The following ZNG1C variants were observed in gnomAD, a reference collection of about 807,000 sequenced individuals.
The protein encoded by ZNG1C is Zn regulated GTPase metalloprotein activator 1C.
chr9:68,276,873 TG>T, the ZNG1C span, among the ~76,000 whole-genome samples: 1 of 97,446 alleles, frequency 1.0e-5, no homozygotes, highest in Non-Finnish European at 2.1e-5. Flanking sequence ...GGGATGGCAT[TG>T]AATCTGTAAA....
chr9:68,257,692 C>T, the ZNG1C span, among the ~76,000 whole-genome samples: 2 of 113,968 alleles, frequency 1.8e-5, no homozygotes, highest in African/African-American at 7.0e-5. Flanking sequence ...TTAAACACTC[C>T]TCCCTTACTT....
chr9:68,256,683 T>C, the ZNG1C span, among the ~76,000 whole-genome samples: 1 of 133,542 alleles, frequency 7.5e-6, no homozygotes. Context: ...GTGGTTAGAA[T>C]TGGTCTTTTT....
the ZNG1C span, among the ~76,000 whole-genome samples, chr9:68,288,399 G>T: frequency 2.3e-4 from 35 of 152,320 alleles, no homozygotes; most frequent in South Asian, 7.3e-3. Flanking sequence ...TTATTTATTT[G>T]CATAAAGCAT....
chr9:68,278,327 G>GT, the ZNG1C span, among the ~76,000 whole-genome samples: 3 of 146,112 alleles, frequency 2.1e-5, no homozygotes, highest in African/African-American at 7.7e-5. Context: ...TCTGATTTTA[G>GT]TTATTTCTTG....
chr9:68,281,468 T>C, the ZNG1C span, among the ~76,000 whole-genome samples: 1 of 112,988 alleles, frequency 8.9e-6, no homozygotes, highest in African/African-American at 3.4e-5. Context: ...TCGGTATCTT[T>C]TTCTTTTTTT....
At chr9:68,269,212 A>G in the ZNG1C span, 1 of 397,478 alleles carries the variant, frequency 2.5e-6, no homozygotes. Flanking sequence ...AACACTGTGT[A>G]AGTGTTTGCT....
At chr9:68,276,340 T>TA in the ZNG1C span, among the ~76,000 whole-genome samples, 1 of 132,166 alleles carries the variant, frequency 7.6e-6, no homozygotes, top group Non-Finnish European at 1.6e-5. Flanking sequence ...TGGCTTTTGT[T>TA]ACCATTGCTT....
the ZNG1C span, among the ~76,000 whole-genome samples, chr9:68,266,886 A>G: frequency 1.3e-5 from 2 of 152,268 alleles, no homozygotes; most frequent in African/African-American, 4.8e-5. Context: ...TTCTTTGTCC[A>G]TAGCCAAGGC....
chr9:68,269,119 T>G, the ZNG1C span: 5 of 1,264,332 alleles, frequency 4.0e-6, no homozygotes, highest in Non-Finnish European at 4.3e-6. Flanking sequence ...AAAATGTTGT[T>G]TGGAATGCTC....
At chr9:68,249,139 G>C in the ZNG1C span, 1 of 559,370 alleles carries the variant, frequency 1.8e-6, no homozygotes, top group East Asian at 3.1e-5. Context: ...GATTGATTTA[G>C]GATTATTTGT....
chr9:68,270,896 C>G, the ZNG1C span: 2 of 131,936 alleles, frequency 1.5e-5, no homozygotes, highest in African/African-American at 5.1e-5. Context: ...AAAAAAAAAA[C>G]AAACAAACAA....
chr9:68,275,519 C>T, the ZNG1C span, among the ~76,000 whole-genome samples: 2 of 134,704 alleles, frequency 1.5e-5, no homozygotes, highest in Non-Finnish European at 3.2e-5. Flanking sequence ...TGTTCCCCTT[C>T]CTGTGTCCAT....
chr9:68,288,715 A>C, the ZNG1C span, among the ~76,000 whole-genome samples: 1 of 102,728 alleles, frequency 9.7e-6, no homozygotes, highest in Non-Finnish European at 2.0e-5. Context: ...AGCTGGTCTC[A>C]AACTCCTGAC....
chr9:68,296,187 CTA>C, the ZNG1C span, among the ~76,000 whole-genome samples: 1 of 151,942 alleles, frequency 6.6e-6, no homozygotes, highest in Non-Finnish European at 1.5e-5. Flanking sequence ...AGATTGGAGA[CTA>C]TTATTCTAAG....
chr9:68,281,201 A>T, the ZNG1C span, among the ~76,000 whole-genome samples: 659 of 151,526 alleles, frequency 4.3e-3, no homozygotes, highest in Non-Finnish European at 7.4e-3. Context: ...TGGCTCGCGG[A>T]TGGAGCACGC....
At chr9:68,290,256 T>G in the ZNG1C span, among the ~76,000 whole-genome samples, 1 of 146,504 alleles carries the variant, frequency 6.8e-6, no homozygotes, top group African/African-American at 2.6e-5. Flanking sequence ...ATTTAACCTG[T>G]TAAAAGCAAA....
At chr9:68,276,237 T>G in the ZNG1C span, among the ~76,000 whole-genome samples, 2 of 120,838 alleles carry the variant, frequency 1.7e-5, no homozygotes, top group African/African-American at 6.2e-5. Context: ...GCGAAAATTT[T>G]CTCCCATTTT....
At chr9:68,275,117 A>G in the ZNG1C span, among the ~76,000 whole-genome samples, 1 of 58,986 alleles carries the variant, frequency 1.7e-5, no homozygotes, top group African/African-American at 4.4e-5. Context: ...TTTGGAAATC[A>G]TATTGCATTT....
At chr9:68,280,943 C>T in the ZNG1C span, among the ~76,000 whole-genome samples, 4 of 109,464 alleles carry the variant, frequency 3.7e-5, no homozygotes, top group African/African-American at 1.4e-4. Context: ...GCCTCGCTGC[C>T]GCCTTGCAGT....
Sources: allele counts gnomAD v4.1 joint callset (sites outside exome capture counted in the v4.1 genomes callset), GRCh38; gene constraint gnomAD v4.1.1; transcripts MANE v1.5; gene names NCBI Gene and HGNC (gene_info 2026-07-23, HGNC 2026-07-21).